Variants in DCAF17 observed in about 807,000 individuals in gnomAD.
The protein encoded by DCAF17 is DDB1 and CUL4 associated factor 17.
In DCAF17, 48 loss-of-function variants were observed where a neutral mutation model predicts 66.0. That is an observed-to-expected ratio of 0.73 (90% CI 0.58 to 0.92). DCAF17 has a LOEUF of 0.92. Ranked by LOEUF, DCAF17 falls within the 40% of genes least tolerant of loss-of-function variation. The pLI, the probability that DCAF17 is intolerant of heterozygous loss-of-function variation, is 0.00. For synonymous variants in DCAF17, 206 were observed against 214.6 expected (o/e 0.96, Z 0.35); for missense variants, 562 against 622.8 (o/e 0.90, Z 1.04).
At chr2:171,465,112 C>T (rs1261739814) in intron 8 of DCAF17, among the ~76,000 whole-genome samples, 3 of 151,658 alleles carry the variant, frequency 2.0e-5, no homozygotes, top group Non-Finnish European at 2.9e-5. Flanking sequence ...GCAGGAGAAT[C>T]GCATGAACCC....
chr2:171,450,067 A>G, intron 5 of DCAF17, 110 bp downstream of exon 5: 2 of 974,046 alleles, frequency 2.1e-6, no homozygotes, highest in Non-Finnish European at 3.2e-6. Flanking sequence ...CATGCTGTAA[A>G]AGATAGGATT....
At chr2:171,480,217 A>G (rs1016662130) in intron 13 of DCAF17, 24 bp downstream of exon 13, 5 of 1,611,396 alleles carry the variant, frequency 3.1e-6, no homozygotes, top group African/African-American at 2.7e-5. Context: ...GTGGGATACA[A>G]AGTTGTAAAC....
intron 9 of DCAF17, among the ~76,000 whole-genome samples, chr2:171,471,478 A>T (rs552078259): frequency 4.6e-4 from 70 of 152,362 alleles, no homozygotes; most frequent in African/African-American, 1.7e-3. Context: ...TCTCCTAAAA[A>T]GATATGTATA....
At chr2:171,434,927 T>C in intron 1 of DCAF17, 156 bp from the exon 2 acceptor site, 4 of 1,028,402 alleles carry the variant, frequency 3.9e-6, no homozygotes, top group Non-Finnish European at 4.2e-6. Context: ...TTCTAAAAGT[T>C]GGTCACCTCA....
chr2:171,448,431 A>AC (rs1694761541), intron 3 of DCAF17, among the ~76,000 whole-genome samples: 1 of 152,220 alleles, frequency 6.6e-6, no homozygotes, highest in Admixed American at 6.5e-5. Flanking sequence ...TAAAATAATT[A>AC]ATTCATAATA....
At chr2:171,478,204 C>A in intron 12 of DCAF17, 134 bp downstream of exon 12, 1 of 746,498 alleles carries the variant, frequency 1.3e-6, no homozygotes, top group Non-Finnish European at 2.4e-6. Context: ...GGTGGGGTTG[C>A]GCATGCTATT....
chr2:171,482,533 G>A lies in DCAF17; in HGVS notation c.*1419G>A, dbSNP rs1476244005. ...AAAACAAGACCAGTAAGAGGCCAGT[G>A]AAAGTACTAAAGAAAGAAACCAATG... On this transcript the variant is annotated 3_prime_UTR_variant, in exon 14 of 14. Coordinates refer to ENST00000375255, the MANE Select transcript of DCAF17 (RefSeq NM_025000.4). 2.2e-6 allele frequency: 1 copy of A among 454,046 alleles called. No individual in the cohort carries two copies. Among genetic ancestry groups the A allele is most frequent in the Non-Finnish European group, 4.4e-6 (1 of 226,780 alleles). 28.1% of individuals were successfully genotyped at this position (454,046 alleles called of 1,614,324 possible).
intron 12 of DCAF17, among the ~76,000 whole-genome samples, chr2:171,478,425 T>C (rs1696599029): frequency 1.3e-5 from 2 of 152,240 alleles, no homozygotes; most frequent in Admixed American, 1.3e-4. Context: ...GAGGACTTTA[T>C]GGTTTTTGCC....
intron 10 of DCAF17, among the ~76,000 whole-genome samples, chr2:171,476,568 A>G (rs1446589239): frequency 1.3e-5 from 2 of 152,210 alleles, no homozygotes; most frequent in Non-Finnish European, 2.9e-5. Context: ...CTTCAGAGTA[A>G]CTTTCATTAA....
rs750021840 is a variant in DCAF17 at position 171,484,478 on chromosome 2, G to A, written c.*3364G>A. 4 of 443,450 alleles carry A rather than the reference G, an allele frequency of 9.0e-6. No homozygotes were observed. Among genetic ancestry groups the A allele is most frequent in the African/African-American group, 2.0e-5 (1 of 49,302 alleles). The allele number at this position is 443,450 out of a possible 1,614,324, so 27.5% of individuals were successfully genotyped here. ...TTGTTTTATTATTTTCCTATCCAGCGTACTTTTTGATGGATTTCAAAATAA... is the reference window on the plus strand; with the variant it reads ...TTGTTTTATTATTTTCCTATCCAGCATACTTTTTGATGGATTTCAAAATAA... On this transcript the variant is annotated 3_prime_UTR_variant, in exon 14 of 14. Coordinates refer to ENST00000375255, the MANE Select transcript of DCAF17 (RefSeq NM_025000.4).
Position 171,480,147 on chromosome 2 carries a change from A to G in DCAF17, c.1376A>G (p.Tyr459Cys), listed in dbSNP as rs374467773. 1 of 1,613,664 alleles carries G rather than the reference A, an allele frequency of 6.2e-7. No homozygotes were observed. The highest frequency in any genetic ancestry group is 1.3e-5 in the African/African-American group (1 of 74,926). Residue 459 changes from tyrosine to cysteine, a missense_variant, in exon 13 of 14, where the codon TAT becomes TGT. This residue lies in a region of DCAF17 where 201 missense variants were observed against 231.1 expected (regional missense o/e 0.87). Transcript: ENST00000375255. ...CACCTGGATTTCCACTGTAATGAAT[A>G]TGGAACTTTACTTAAAAGCATTCCA... is the stretch of plus-strand genomic sequence containing the variant. ...KAHLDFHCNE[Y>C]GTLLKSIPLV... is the part of the protein sequence containing the mutation.
intron 2 of DCAF17, among the ~76,000 whole-genome samples, chr2:171,439,480 G>GT (rs1472620069): frequency 1.3e-5 from 1 of 79,808 alleles, no homozygotes; most frequent in Non-Finnish European, 2.8e-5. Flanking sequence ...CTCTTATGGT[G>GT]TTTTTTGATT....
Position 171,482,978 on chromosome 2 carries a change from G to A in DCAF17, c.*1864G>A, listed in dbSNP as rs1371778764. The stretch of plus-strand genomic sequence containing the variant: ...GAGTTGTGGGCAGTGTAACAAACAG[G>A]AGAGCTATGCCCCAACTAAAAGGAG... On this transcript the variant is annotated 3_prime_UTR_variant, in exon 14 of 14. Transcript: ENST00000375255. 6.6e-6 allele frequency: 3 copies of A among 454,072 alleles called. No homozygotes were observed. Among genetic ancestry groups the A allele is most frequent in the South Asian group, 1.6e-5 (1 of 64,478 alleles). 28.1% of individuals were successfully genotyped at this position (454,072 alleles called of 1,614,324 possible).
chr2:171,455,037 A>G (rs1695173307), intron 6 of DCAF17, among the ~76,000 whole-genome samples: 1 of 151,776 alleles, frequency 6.6e-6, no homozygotes, highest in Non-Finnish European at 1.5e-5. Flanking sequence ...ATATAGATAA[A>G]CATGTGTCAT....
chr2:171,434,718 G>T lies in DCAF17; in HGVS notation c.126+15G>T. On this transcript the variant is annotated intron_variant, in intron 1 of 13. Coordinates refer to ENST00000375255, the MANE Select transcript of DCAF17 (RefSeq NM_025000.4). Reference sequence around the variant, plus strand: ...TGGTGTGCCAGGTGACCGCCAGCCGGCCGGGGCGGGACGGAGGGCCGCGGG... The same window carrying T: ...TGGTGTGCCAGGTGACCGCCAGCCGTCCGGGGCGGGACGGAGGGCCGCGGG... The T allele has an allele frequency of 6.9e-7, 1 of 1,446,614 alleles. No homozygotes were observed. Among genetic ancestry groups the T allele is most frequent in the Non-Finnish European group, 9.0e-7 (1 of 1,110,216 alleles). 89.6% of individuals were successfully genotyped at this position (1,446,614 alleles called of 1,614,324 possible). A position where few individuals can be genotyped will look rare whatever the true frequency, so the allele number is the denominator to read the frequency against.
At chr2:171,440,425 A>G (rs1440119308) in intron 2 of DCAF17, among the ~76,000 whole-genome samples, 1 of 152,096 alleles carries the variant, frequency 6.6e-6, no homozygotes, top group East Asian at 1.9e-4. Context: ...AAATATCAAC[A>G]TTAGCTGGGC....
intron 3 of DCAF17, among the ~76,000 whole-genome samples, chr2:171,445,045 G>A (rs866734583): frequency 3.3e-5 from 5 of 152,158 alleles, no homozygotes; most frequent in Middle Eastern, 3.4e-3. Context: ...GAGTATGGGG[G>A]AAGACGACAG....
chr2:171,443,251 GGTAC>G (rs1694416977), intron 2 of DCAF17: 2 of 261,616 alleles, frequency 7.6e-6, no homozygotes, highest in African/African-American at 2.3e-5. Context: ...ACAACGTCCA[GGTAC>G]GTATATGTAT....
chr2:171,473,419 A>G (rs575797618), intron 9 of DCAF17, among the ~76,000 whole-genome samples: 2 of 152,296 alleles, frequency 1.3e-5, no homozygotes, highest in African/African-American at 2.4e-5. Context: ...AGCCTGGGCA[A>G]CATAGCGAGA....
Sources: gnomAD v4.1 joint callset for allele counts (sites outside exome capture counted in the v4.1 genomes callset) on GRCh38, gnomAD v4.1.1 for gene constraint, gnomAD v4.1.1 regional missense constraint, MANE v1.5 for transcripts, NCBI Gene and HGNC (gene_info 2026-07-23, HGNC 2026-07-21) for gene names.